Variants in BZW1 observed in about 807,000 individuals in gnomAD.
BZW1 encodes eIF5-mimic protein 2.
Under a neutral mutation model 54.1 loss-of-function variants are expected in BZW1, and 3 were observed. That is an observed-to-expected ratio of 0.06 (90% CI 0.03 to 0.14). The LOEUF is 0.14. BZW1 is among the 10% of genes least tolerant of loss of function. The probability of loss-of-function intolerance (pLI) is 1.00; values close to 1 mark genes in which losing one functional copy is unlikely to be tolerated. For missense variants in BZW1, 206 were observed against 491.7 expected (o/e 0.42, Z 5.50); for synonymous variants, 152 against 162.7 (o/e 0.93, Z 0.50).
Position 200,826,185 on chromosome 2 carries a change from AATT to A in BZW1, c.*4010_*4012del, listed in dbSNP as rs2038683311. 2.0e-5 allele frequency: 3 copies of A among 152,152 alleles called. No individual in the cohort carries two copies. The highest frequency in any genetic ancestry group is 7.2e-5 in the African/African-American group (3 of 41,450). The allele number at this position is 152,152 out of a possible 1,614,324, so 9.4% of individuals were successfully genotyped here. A position where few individuals can be genotyped will look rare whatever the true frequency, so the allele number is the denominator to read the frequency against. On this transcript the variant is annotated 3_prime_UTR_variant, in exon 12 of 12. Transcript: ENST00000409600. ...TTAATATCTGAACAATCTTAGACATAATTATATGAAACTGGATCAGAAAGGCTT... is the reference window on the plus strand; with the variant it reads ...TTAATATCTGAACAATCTTAGACATAATATGAAACTGGATCAGAAAGGCTT...
intron 2 of BZW1, 171 bp downstream of exon 2, chr2:200,813,452 T>C: frequency 1.7e-6 from 1 of 587,610 alleles, no homozygotes; most frequent in Non-Finnish European, 2.9e-6. Flanking sequence ...TTTCTACTGC[T>C]TTACTGCTCA....
chr2:200,816,195 C>T (rs977273616), intron 4 of BZW1, 130 bp from the exon 5 acceptor site: 3 of 554,270 alleles, frequency 5.4e-6, no homozygotes, highest in East Asian at 6.2e-5. Flanking sequence ...CCTGGACATT[C>T]TTATGTGTCA....
At chr2:200,812,339 C>T in intron 1 of BZW1, 2 of 1,263,412 alleles carry the variant, frequency 1.6e-6, no homozygotes, top group Non-Finnish European at 9.9e-7. Context: ...GCGGGCGGGG[C>T]GGAGGGGCTG....
chr2:200,826,409 T>TAGATAGATAGATAGA lies in BZW1; in HGVS notation c.*4231_*4232insAGATAGATAGATAGA, dbSNP rs1559318418. 22 of 35,274 alleles carry TAGATAGATAGATAGA rather than the reference T, an allele frequency of 6.2e-4. 1 individual carries two copies. Among genetic ancestry groups the TAGATAGATAGATAGA allele is most frequent in the Admixed American group, 4.1e-3 (15 of 3,696 alleles). The allele number at this position is 35,274 out of a possible 1,614,324, so 2.2% of individuals were successfully genotyped here. A position where few individuals can be genotyped will look rare whatever the true frequency, so the allele number is the denominator to read the frequency against. Reference sequence around the variant, plus strand: ...GATAGATAGATAGATAGATAGATATTTTTTTTTTTTTTTTTTTTTTTTTTT... The same window carrying TAGATAGATAGATAGA: ...GATAGATAGATAGATAGATAGATATTAGATAGATAGATAGATTTTTTTTTTTTTTTTTTTTTTTTT... On this transcript the variant is annotated 3_prime_UTR_variant, in exon 12 of 12. Transcript: ENST00000409600.
At position 200,818,869 on chromosome 2, in the gene BZW1, C is replaced by G; in HGVS notation, c.934C>G (p.Leu312Val). Residue 312 changes from leucine to valine, a missense_variant, in exon 9 of 12, where the codon CTT (leucine) becomes GTT (valine). Leu to Val is a conservative substitution (Grantham distance 32). Around this residue, in one of 5 missense-constraint regions of BZW1, gnomAD observed 60 missense variants for 151.8 expected, o/e 0.40. Transcript: ENST00000409600. ...TGTGGAATGGAACAAAAAAGAGGAG[C>G]TTGTAGCAGAGCAAGCCATCAAGCA... ...STVEWNKKEELVAEQAIKHLK... is the reference protein window; with the variant it reads ...STVEWNKKEEVVAEQAIKHLK... 1 of 1,595,596 alleles carries G rather than the reference C, an allele frequency of 6.3e-7. No homozygotes were observed. Among genetic ancestry groups the G allele is most frequent in the Non-Finnish European group, 8.5e-7 (1 of 1,174,100 alleles).
intron 1 of BZW1, chr2:200,812,506 A>G (rs2038111237): frequency 1.5e-6 from 2 of 1,379,162 alleles, no homozygotes; most frequent in Admixed American, 3.1e-5. Context: ...CAGTGGAGAA[A>G]GAGCCGCGGG....
rs1183151951 is a variant in BZW1, at chr2:200,819,997, C to T, written c.982C>T (p.Leu328Phe). The T allele has an allele frequency of 6.6e-7, 1 of 1,520,684 alleles. No homozygotes were observed. 94.2% of individuals were successfully genotyped at this position (1,520,684 alleles called of 1,614,324 possible). The change falls in exon 10 of 12, where the codon CTT becomes TTT. Residue 328 changes from leucine (L) to phenylalanine (F), a missense_variant. Leu to Phe is a conservative substitution (Grantham distance 22). This residue lies in a region of BZW1 where 60 missense variants were observed against 151.8 expected (regional missense o/e 0.40). Transcript: ENST00000409600. ...CCTTTAAAAGCAATACAGCCCTCTA[C>T]TTGCTGCCTTTACTACTCAAGGTCA... is the stretch of plus-strand genomic sequence containing the variant. ...IKHLKQYSPLLAAFTTQGQSE... is the reference protein window; with the variant it reads ...IKHLKQYSPLFAAFTTQGQSE...
At chr2:200,812,319 G>C in intron 1 of BZW1, 1 of 1,260,334 alleles carries the variant, frequency 7.9e-7, no homozygotes, top group Non-Finnish European at 1.0e-6. Context: ...TGTACGCGTG[G>C]GGGCTTCCGG....
In BZW1 at chr2:200,815,692, C is replaced by G. The variant is rs1231734139; in HGVS notation, c.267C>G (p.Asp89Glu). Residue 89 changes from aspartate to glutamate, a missense_variant, in exon 4 of 12, where the codon GAC becomes GAG. Transcript: ENST00000409600. ...CCCCAGGTGGTACACTGGCAGATGA[C>G]ATGATGCGTACAGATGTCTGCGTGT... ...MLAPGGTLAD[D>E]MMRTDVCVFA... The G allele has an allele frequency of 6.3e-7, 1 of 1,596,752 alleles. No homozygotes were observed. Among genetic ancestry groups the G allele is most frequent in the Non-Finnish European group, 8.5e-7 (1 of 1,171,050 alleles).
intron 11 of BZW1, among the ~76,000 whole-genome samples, chr2:200,821,763 C>G (rs761211385): frequency 6.6e-6 from 1 of 152,078 alleles, no homozygotes; most frequent in South Asian, 2.1e-4. Flanking sequence ...TAATAAAATT[C>G]GTTAACAGCT....
At chr2:200,819,700 T>C (rs2105701400) in intron 9 of BZW1, among the ~76,000 whole-genome samples, 1 of 152,018 alleles carries the variant, frequency 6.6e-6, no homozygotes, top group South Asian at 2.1e-4. Flanking sequence ...AGTGCCTGGC[T>C]AATTTTTGTA....
At chr2:200,814,288 TC>T (rs2038209227) in intron 2 of BZW1, among the ~76,000 whole-genome samples, 1 of 152,214 alleles carries the variant, frequency 6.6e-6, no homozygotes, top group African/African-American at 2.4e-5. Context: ...AGATGTAACT[TC>T]CCCGGTTCCA....
At chr2:200,821,447 T>A in intron 11 of BZW1, 142 bp downstream of exon 11, 1 of 921,436 alleles carries the variant, frequency 1.1e-6, no homozygotes, top group Non-Finnish European at 1.6e-6. Context: ...TGGCGAAAGC[T>A]AGAGTTTAAT....
chr2:200,812,573 T>G, intron 1 of BZW1: 1 of 1,409,972 alleles, frequency 7.1e-7, no homozygotes, highest in South Asian at 1.6e-5. Context: ...GGGTGATCTG[T>G]GGCTCGGGCG....
chr2:200,814,337 G>A (rs1030150833), intron 2 of BZW1, among the ~76,000 whole-genome samples: 1 of 152,150 alleles, frequency 6.6e-6, no homozygotes, highest in Non-Finnish European at 1.5e-5. Flanking sequence ...TGATGGTTAG[G>A]GTACTGGGTA....
At chr2:200,819,793 C>T (rs1297848349) in intron 9 of BZW1, among the ~76,000 whole-genome samples, 189 bp from the exon 10 acceptor site, 3 of 152,142 alleles carry the variant, frequency 2.0e-5, no homozygotes, top group African/African-American at 4.8e-5. Context: ...GCCTCGGCCT[C>T]CCAAAGTGCT....
At chr2:200,812,722 AG>A in intron 1 of BZW1, 2 of 778,996 alleles carry the variant, frequency 2.6e-6, no homozygotes, top group Non-Finnish European at 4.4e-6. Context: ...TTGCGGTCAC[AG>A]GCATGACCTA....
rs1292460660 is a variant in BZW1 at position 200,821,318 on chromosome 2, C to T, written c.1228+13C>T. On this transcript the variant is annotated intron_variant, in intron 11 of 11. Transcript: ENST00000409600. ...AATGCTGAAGAAGGTAAGGATTTTC[C>T]TTTGTGTGGTTTGTTTGGTAAAGCT... is the stretch of plus-strand genomic sequence containing the variant. 1 of 1,612,492 alleles carries T rather than the reference C, an allele frequency of 6.2e-7. No homozygotes were observed. The highest frequency in any genetic ancestry group is 8.5e-7 in the Non-Finnish European group (1 of 1,179,472).
At chr2:200,812,513 C>T (rs574596250) in intron 1 of BZW1, 253 of 1,379,784 alleles carry the variant, frequency 1.8e-4, no homozygotes, top group Non-Finnish European at 2.3e-4. Context: ...GAAAGAGCCG[C>T]GGGACCCTAC....
Sources: gnomAD v4.1 joint callset for allele counts (sites outside exome capture counted in the v4.1 genomes callset) on GRCh38, gnomAD v4.1.1 for gene constraint, gnomAD v4.1.1 regional missense constraint, MANE v1.5 for transcripts, NCBI Gene and HGNC (gene_info 2026-07-23, HGNC 2026-07-21) for gene names.